Variants in MRTFA observed in about 807,000 individuals in gnomAD.
MRTFA encodes the protein myocardin-related transcription factor A.
Under a neutral mutation model 83.5 loss-of-function variants are expected in MRTFA, and 20 were observed. That is an observed-to-expected ratio of 0.24 (90% CI 0.17 to 0.35). The LOEUF (loss-of-function observed/expected upper bound fraction) is 0.35, where lower values mean the gene tolerates loss of function less well. MRTFA is among the 10% of genes least tolerant of loss of function. MRTFA has a pLI of 1.00. For synonymous variants in MRTFA, 659 were observed against 541.2 expected (o/e 1.22, Z -3.02); for missense variants, 1,200 against 1,224.7 (o/e 0.98, Z 0.30).
At chr22:40,624,836 T>C (rs1292988253) in intron 1 of MRTFA, among the ~76,000 whole-genome samples, 2 of 152,232 alleles carry the variant, frequency 1.3e-5, no homozygotes, top group African/African-American at 2.4e-5. Flanking sequence ...CTGGTTTCCA[T>C]ATATATTGAT....
chr22:40,422,112 G>A (rs1254473235), intron 9 of MRTFA, among the ~76,000 whole-genome samples: 1 of 151,088 alleles, frequency 6.6e-6, no homozygotes, highest in African/African-American at 2.4e-5. Flanking sequence ...CACAGGCTGG[G>A]GAGCAGGAAG....
At chr22:40,568,753 C>T (rs2055741941) in intron 2 of MRTFA, among the ~76,000 whole-genome samples, 2 of 152,144 alleles carry the variant, frequency 1.3e-5, no homozygotes, top group Admixed American at 6.6e-5. Flanking sequence ...CATCTAAGTG[C>T]AATTACTGTA....
intron 3 of MRTFA, among the ~76,000 whole-genome samples, chr22:40,516,422 G>GAAAAAAAAAAAAAAAAAAAAAAA: frequency 2.1e-5 from 1 of 47,024 alleles, no homozygotes. Context: ...ACTGCCTCAA[G>GAAAAAAAAAAAAAAAAAAAAAAA]AAAAAAAAAA....
intron 13 of MRTFA, 97 bp downstream of exon 13, chr22:40,417,244 G>A (rs552067227): frequency 1.3e-5 from 20 of 1,508,138 alleles, no homozygotes; most frequent in South Asian, 3.7e-5. Flanking sequence ...GCTGGGCTTC[G>A]CCTGCCCCCT....
chr22:40,495,396 G>A (rs530916871), intron 3 of MRTFA, among the ~76,000 whole-genome samples: 16 of 150,756 alleles, frequency 1.1e-4, no homozygotes, highest in Admixed American at 4.6e-4. Flanking sequence ...AGGTTGCAGT[G>A]AGCCGAGATT....
chr22:40,533,879 T>C (rs2055123787), intron 3 of MRTFA: 1 of 351,116 alleles, frequency 2.8e-6, no homozygotes, highest in Non-Finnish European at 5.1e-6. Flanking sequence ...ACATACTAAG[T>C]GTGGTTAGAA....
At chr22:40,438,857 G>C (rs539638276) in intron 4 of MRTFA, among the ~76,000 whole-genome samples, 1 of 152,046 alleles carries the variant, frequency 6.6e-6, no homozygotes, top group Non-Finnish European at 1.5e-5. Flanking sequence ...TGTTCCTCAG[G>C]AATAAGGAAG....
intron 1 of MRTFA, among the ~76,000 whole-genome samples, chr22:40,609,306 A>AC (rs1349267238): frequency 6.6e-6 from 1 of 151,004 alleles, no homozygotes; most frequent in African/African-American, 2.4e-5. Flanking sequence ...AAAAAAAAAA[A>AC]AATTACATTT....
intron 4 of MRTFA, among the ~76,000 whole-genome samples, chr22:40,451,121 A>G (rs1404792496): frequency 6.6e-6 from 1 of 152,238 alleles, no homozygotes; most frequent in Non-Finnish European, 1.5e-5. Context: ...ATTCTGGAAG[A>G]AACAGCAGGT....
rs957095044 is a variant in MRTFA at position 40,438,295 on chromosome 22, C to T, written c.308-2741G>A. Among the ~76,000 whole-genome samples the T allele has an allele frequency of 2.0e-5, 3 of 152,198 alleles. 1 individual carries two copies. The South Asian group carries it at 6.2e-4, about 31-fold the overall frequency. On this transcript the variant is annotated intron_variant, in intron 4 of 14. Transcript: ENST00000355630. ...TATGTGTCGATATATTCAGGTGTTG[C>T]TGTCACCAAATGCTGTAATTTGGTT...
In MRTFA at chr22:40,418,721, T is replaced by G. The variant is rs1174524709; in HGVS notation, c.2017A>C (p.Thr673Pro). Residue 673 changes from threonine to proline, a missense_variant, in exon 12 of 15, where the codon ACC becomes CCC. By Grantham distance (38) the Thr-to-Pro change is conservative. This residue lies in a region of MRTFA where 1,107 missense variants were observed against 1,041.8 expected (regional missense o/e 1.06). Transcript: ENST00000355630. Reference sequence around the variant, plus strand: ...AAGCTGTTCTCCTGCTTCACGGGGGTGCCGAGGGGGGCGGGGGCGGGGGCG... The same window carrying G: ...AAGCTGTTCTCCTGCTTCACGGGGGGGCCGAGGGGGGCGGGGGCGGGGGCG... 1.2e-5 allele frequency: 6 copies of G among 494,798 alleles called. No homozygotes were observed. The highest frequency in any genetic ancestry group is 4.7e-5 in the African/African-American group (1 of 21,152). 30.7% of individuals were successfully genotyped at this position (494,798 alleles called of 1,614,324 possible).
At chr22:40,459,822 C>CACATATACATATATATATAT (rs1308675939) in intron 4 of MRTFA, among the ~76,000 whole-genome samples, 7 of 68,262 alleles carry the variant, frequency 1.0e-4, no homozygotes, top group African/African-American at 4.5e-4. Context: ...CACACACACA[C>CACATATACATATATATATAT]ATATATACAT....
chr22:40,411,982 G>A, intron 14 of MRTFA, 75 bp from the exon 15 acceptor site: 5 of 1,295,354 alleles, frequency 3.9e-6, no homozygotes, highest in Non-Finnish European at 5.1e-6. Context: ...AATGAAGGTG[G>A]ACCCCCCAAC....
chr22:40,411,068 T>G lies in MRTFA; in HGVS notation c.*322A>C, dbSNP rs2052514856. 2 of 282,034 alleles carry G rather than the reference T, an allele frequency of 7.1e-6. No homozygotes were observed. Among genetic ancestry groups the G allele is most frequent in the East Asian group, 1.1e-4 (2 of 18,588 alleles). 17.5% of individuals were successfully genotyped at this position (282,034 alleles called of 1,614,324 possible). A position where few individuals can be genotyped will look rare whatever the true frequency, so the allele number is the denominator to read the frequency against. The stretch of plus-strand genomic sequence containing the variant: ...CCCGCCTGGCCAGGCTTCACCTACC[T>G]TAGCCAAATTGTAGCCAGACAGACA... On this transcript the variant is annotated 3_prime_UTR_variant, in exon 15 of 15. Transcript: ENST00000355630.
intron 14 of MRTFA, among the ~76,000 whole-genome samples, chr22:40,413,238 C>G (rs911913013): frequency 6.6e-6 from 1 of 150,500 alleles, no homozygotes; most frequent in African/African-American, 2.4e-5. Context: ...GGAGGATTGG[C>G]TTCAAGCCAG....
chr22:40,515,097 C>T (rs1292754528), intron 3 of MRTFA, among the ~76,000 whole-genome samples: 2 of 151,504 alleles, frequency 1.3e-5, no homozygotes, highest in Non-Finnish European at 2.9e-5. Flanking sequence ...TTAGTAGAGA[C>T]GAGGTTTCAC....
intron 1 of MRTFA, among the ~76,000 whole-genome samples, chr22:40,600,314 CAA>C (rs772341161): frequency 1.1e-4 from 17 of 152,148 alleles, no homozygotes; most frequent in Non-Finnish European, 2.4e-4. Flanking sequence ...TTAAAGGAGT[CAA>C]GAGAAACCAC....
At chr22:40,589,540 G>A (rs1323662912) in intron 2 of MRTFA, among the ~76,000 whole-genome samples, 3 of 152,184 alleles carry the variant, frequency 2.0e-5, no homozygotes, top group Non-Finnish European at 4.4e-5. Flanking sequence ...AAGACTGGAG[G>A]AAGGAATTTT....
intron 1 of MRTFA, among the ~76,000 whole-genome samples, chr22:40,626,716 A>G (rs1027268909): frequency 7.2e-5 from 11 of 152,208 alleles, no homozygotes; most frequent in Admixed American, 3.9e-4. Context: ...ACACAAAGCC[A>G]GGGCCAGGCA....
Sources: gnomAD v4.1 joint callset for allele counts (sites outside exome capture counted in the v4.1 genomes callset) on GRCh38, gnomAD v4.1.1 for gene constraint, gnomAD v4.1.1 regional missense constraint, MANE v1.5 for transcripts, NCBI Gene and HGNC (gene_info 2026-07-23, HGNC 2026-07-21) for gene names.